The following LARGE1 variants were observed in gnomAD, a reference collection of about 807,000 sequenced individuals.
The protein encoded by LARGE1 is LARGE xylosyl- and glucuronyltransferase 1, also known as xylosyl- and glucuronyltransferase LARGE1.
A neutral mutation model predicts 87.6 loss-of-function variants in LARGE1; 43 were observed. That is an observed-to-expected ratio of 0.49 (90% CI 0.38 to 0.63). The LOEUF is 0.63. Ranked by LOEUF, LARGE1 falls within the 30% of genes least tolerant of loss-of-function variation. The pLI is 0.00. For missense variants in LARGE1, 802 were observed against 1,000.2 expected, an observed-to-expected ratio of 0.80 and a Z score of 2.67; for synonymous variants, 434 against 394.6, an observed-to-expected ratio of 1.10 and a Z score of -1.18.
intron 11 of LARGE1, among the ~76,000 whole-genome samples, chr22:33,187,522 TAGA>T (rs540317526): frequency 6.6e-5 from 10 of 152,230 alleles, no homozygotes; most frequent in African/African-American, 2.4e-4. Context: ...GAAATGTTAG[TAGA>T]AGAATAGCAA....
chr22:33,163,979 T>C (rs532858605), exon 12 of LARGE1: 1 of 152,344 alleles, frequency 6.6e-6, no homozygotes, highest in African/African-American at 2.4e-5. Context: ...AACCTCTACG[T>C]CAGCAGAAGT....
intron 11 of LARGE1, among the ~76,000 whole-genome samples, chr22:33,238,834 G>A (rs1215488692): frequency 1.3e-5 from 2 of 151,980 alleles, no homozygotes; most frequent in Non-Finnish European, 2.9e-5. Context: ...AGTGGTTCCT[G>A]GAAAATGTAT....
At chr22:33,908,445 G>A (rs192359711) in intron 1 of LARGE1, among the ~76,000 whole-genome samples, 4 of 152,030 alleles carry the variant, frequency 2.6e-5, no homozygotes, top group South Asian at 2.1e-4. Flanking sequence ...AGAGCTTACC[G>A]GGCAGGAGGG....
chr22:33,523,784 G>A (rs796635602), intron 6 of LARGE1, among the ~76,000 whole-genome samples: 4 of 151,702 alleles, frequency 2.6e-5, no homozygotes, highest in Admixed American at 6.6e-5. Context: ...TGCAAAAAAC[G>A]TACAGAGAGG....
rs573269061 is a variant in LARGE1 at position 33,620,688 on chromosome 22, G to A, written c.491+5556C>T. 2.0e-4 allele frequency among the ~76,000 whole-genome samples: 31 copies of A among 152,250 alleles called. No individual in the cohort carries two copies. In the East Asian group the frequency reaches 3.9e-3, roughly 19 times the overall value. On this transcript the variant is annotated intron_variant, in intron 4 of 14. Coordinates refer to ENST00000397394, the MANE Select transcript of LARGE1 (RefSeq NM_133642.5). ...TGTAACCCCAGCTCTTTGGGAAGCC[G>A]AGGCAGGTGGATCATCTGAGGTCAG...
chr22:33,355,834 T>G (rs1360036169), intron 9 of LARGE1, among the ~76,000 whole-genome samples: 3 of 152,194 alleles, frequency 2.0e-5, no homozygotes, highest in African/African-American at 7.2e-5. Flanking sequence ...ATAGAGCCAG[T>G]ATTTATGTAA....
intron 9 of LARGE1, among the ~76,000 whole-genome samples, chr22:33,373,687 T>A (rs1349605078): frequency 6.6e-6 from 1 of 152,042 alleles, no homozygotes; most frequent in African/African-American, 2.4e-5. Context: ...GTCCATTAAA[T>A]GTTTATCTTG....
upstream of LARGE1, chr22:33,922,607 T>G (rs1463323413): frequency 6.6e-6 from 1 of 152,210 alleles, no homozygotes; most frequent in East Asian, 1.9e-4. Context: ...GAAGCTGGGG[T>G]CCTGCTGTCT....
rs184793706 is a variant in LARGE1 at position 33,210,809 on chromosome 22, C to T, written c.1731-43977G>A. Among the ~76,000 whole-genome samples the T allele has an allele frequency of 3.9e-5, 6 of 152,376 alleles. No individual in the cohort carries two copies. The East Asian group carries it at 1.2e-3, about 29-fold the overall frequency. ...CCCCTGTTCCCAGGCTGCCCCTATG[C>T]TCTGGGCCTCACACCACGGATGCCT... On this transcript the variant is annotated intron_variant, in intron 11 of 11. Coordinates refer to the LARGE1 transcript ENST00000608642.
At position 33,384,539 on chromosome 22, in the gene LARGE1, A is replaced by C. The variant is rs76972817; in HGVS notation, c.893-235T>G. Among the ~76,000 whole-genome samples, 14,476 of 129,456 alleles carry C rather than the reference A, an allele frequency of 0.11. 1,898 individuals carry two copies. Among genetic ancestry groups the C allele is most frequent in the African/African-American group, 0.23 (8,714 of 38,482 alleles). 84.9% of individuals were successfully genotyped at this position (129,456 alleles called of 152,430 possible). A position where few individuals can be genotyped will look rare whatever the true frequency, so the allele number is the denominator to read the frequency against. ...CCTGGGTTCAAGCCTAGGACCTGCC[A>C]GTTACTCGATAGGAGACATGAAACC... is the stretch of plus-strand genomic sequence containing the variant. On this transcript the variant is annotated intron_variant, in intron 7 of 14. Transcript: ENST00000397394.
intron 9 of LARGE1, among the ~76,000 whole-genome samples, chr22:33,377,096 T>C (rs2065015779): frequency 6.6e-6 from 1 of 152,082 alleles, no homozygotes; most frequent in South Asian, 2.1e-4. Context: ...ATCAAAAGGG[T>C]GAAATATGAA....
intron 1 of LARGE1, among the ~76,000 whole-genome samples, chr22:33,769,178 T>C (rs974132952): frequency 6.6e-6 from 1 of 152,218 alleles, no homozygotes; most frequent in African/African-American, 2.4e-5. Context: ...GGACTAGGGT[T>C]GGCTCTGATG....
At chr22:33,615,282 C>A (rs1214204789) in intron 4 of LARGE1, among the ~76,000 whole-genome samples, 1 of 151,808 alleles carries the variant, frequency 6.6e-6, no homozygotes, top group East Asian at 1.9e-4. Context: ...TGAATAATTA[C>A]CAAAAAGATC....
At chr22:33,480,873 T>C (rs112094593) in intron 6 of LARGE1, among the ~76,000 whole-genome samples, 6 of 152,198 alleles carry the variant, frequency 3.9e-5, no homozygotes, top group African/African-American at 1.4e-4. Flanking sequence ...AAATACGTTA[T>C]TAACATTTCC....
At chr22:33,548,595 A>G (rs1366599860) in intron 6 of LARGE1, among the ~76,000 whole-genome samples, 1 of 152,080 alleles carries the variant, frequency 6.6e-6, no homozygotes, top group Admixed American at 6.5e-5. Context: ...TTGTATTTTT[A>G]GGAGAGATAG....
intron 1 of LARGE1, among the ~76,000 whole-genome samples, chr22:33,796,269 T>G (rs1352533103): frequency 6.6e-6 from 1 of 152,232 alleles, no homozygotes; most frequent in East Asian, 1.9e-4. Context: ...TAATTTAACA[T>G]GTCATCAGCC....
chr22:33,261,765 A>G (rs1927638407), intron 11 of LARGE1, among the ~76,000 whole-genome samples: 1 of 152,194 alleles, frequency 6.6e-6, no homozygotes, highest in South Asian at 2.1e-4. Context: ...TGAGTTTAGA[A>G]AATAATGCTC....
At chr22:33,543,963 C>G (rs1239764754) in intron 6 of LARGE1, among the ~76,000 whole-genome samples, 1 of 152,228 alleles carries the variant, frequency 6.6e-6, no homozygotes, top group African/African-American at 2.4e-5. Flanking sequence ...ACCATAAACA[C>G]CTGCTTTCCT....
At chr22:33,636,699 T>C (rs2080277729) in intron 3 of LARGE1, among the ~76,000 whole-genome samples, 1 of 151,758 alleles carries the variant, frequency 6.6e-6, no homozygotes, top group Non-Finnish European at 1.5e-5. Flanking sequence ...AGCTAAGTTT[T>C]GTATTTTTTT....
Sources: gnomAD v4.1 joint callset for allele counts (sites outside exome capture counted in the v4.1 genomes callset) on GRCh38, gnomAD v4.1.1 for gene constraint, MANE v1.5 for transcripts, NCBI Gene and HGNC (gene_info 2026-07-23, HGNC 2026-07-21) for gene names.